STRBP: variants seen among roughly 807,000 people sequenced by gnomAD.
STRBP encodes spermatid perinuclear RNA-binding protein.
Under a neutral mutation model 80.1 loss-of-function variants are expected in STRBP, and 13 were observed. That is an observed-to-expected ratio of 0.16 (90% confidence interval 0.11 to 0.26). STRBP has a LOEUF of 0.26. STRBP is among the 10% of genes least tolerant of loss of function. STRBP has a pLI of 1.00. For missense variants in STRBP, 485 were observed against 815.2 expected (o/e 0.59, Z 4.93); for synonymous variants, 284 against 291.2 (o/e 0.98, Z 0.25).
At chr9:123,145,665 G>T (rs777008227) in intron 13 of STRBP, among the ~76,000 whole-genome samples, 2 of 152,128 alleles carry the variant, frequency 1.3e-5, no homozygotes, top group Non-Finnish European at 2.9e-5. Flanking sequence ...TTTCGTGTCA[G>T]CTGCTACAGA....
At chr9:123,251,928 G>A (rs181796176) in intron 1 of STRBP, among the ~76,000 whole-genome samples, 1 of 152,046 alleles carries the variant, frequency 6.6e-6, no homozygotes, top group African/African-American at 2.4e-5. Flanking sequence ...CATCTCTAAG[G>A]GTGGTAAGCA....
rs2132277246 is a variant in STRBP, at chr9:123,115,045, G to GA, written c.*84+883dup. On this transcript the variant is annotated intron_variant and NMD_transcript_variant, in intron 3 of 3. Coordinates refer to the STRBP transcript ENST00000471564. This position sits in a 1 kb window ranked among gnomAD's most constrained non-coding sequence, Gnocchi z 5.0. The stretch of plus-strand genomic sequence containing the variant: ...TCCAACTGTCCCAATCGACCCTCTG[G>GA]AACTCACTATTGTGGACAATGGTCA... The GA allele has an allele frequency of 2.6e-6, 1 of 380,180 alleles. No homozygotes were observed. The highest frequency in any genetic ancestry group is 2.1e-5 in the African/African-American group (1 of 47,326). 23.6% of individuals were successfully genotyped at this position (380,180 alleles called of 1,614,324 possible).
intron 2 of STRBP, among the ~76,000 whole-genome samples, chr9:123,206,026 T>C (rs771842955): frequency 8.5e-5 from 13 of 152,142 alleles, no homozygotes; most frequent in Non-Finnish European, 1.5e-4. Context: ...AAGCAATAGA[T>C]TGGGGTCAAA....
chr9:123,195,152 C>T (rs919370016), intron 2 of STRBP, among the ~76,000 whole-genome samples: 1 of 152,070 alleles, frequency 6.6e-6, no homozygotes, highest in African/African-American at 2.4e-5. Context: ...CAAAAAACCA[C>T]ACAAGTTTGC....
intron 1 of STRBP, among the ~76,000 whole-genome samples, chr9:123,253,420 AAG>A (rs1400666917): frequency 6.6e-5 from 10 of 152,234 alleles, no homozygotes; most frequent in African/African-American, 2.4e-4. Context: ...CTGTACTGCT[AAG>A]AGAGTACTGA....
chr9:123,251,838 T>C (rs1216622717), intron 1 of STRBP, among the ~76,000 whole-genome samples: 1 of 152,220 alleles, frequency 6.6e-6, no homozygotes, highest in African/African-American at 2.4e-5. Flanking sequence ...AAGCATTTAG[T>C]AGGCATTGTA....
At chr9:123,262,988 T>TA in intron 1 of STRBP, among the ~76,000 whole-genome samples, 1 of 152,372 alleles carries the variant, frequency 6.6e-6, no homozygotes, top group East Asian at 1.9e-4. Context: ...ACATTAAACT[T>TA]ACATCTCTCA....
chr9:123,169,315 CCCA>C (rs951529356), intron 6 of STRBP, among the ~76,000 whole-genome samples: 8 of 151,784 alleles, frequency 5.3e-5, no homozygotes, highest in Admixed American at 1.3e-4. Context: ...ATTACAGGCG[CCCA>C]CCACCACGCC....
chr9:123,153,476 C>A (rs959626076), intron 11 of STRBP, among the ~76,000 whole-genome samples: 1 of 152,154 alleles, frequency 6.6e-6, no homozygotes, highest in Non-Finnish European at 1.5e-5. Context: ...CAGGTGTGAG[C>A]TACCACCCGG....
At chr9:123,135,971 G>A (rs41307421) in intron 16 of STRBP, 70 bp downstream of exon 16, 20,041 of 1,584,260 alleles carry the variant, frequency 0.013, 160 homozygotes, top group Middle Eastern at 0.019. Flanking sequence ...GTGCCACATG[G>A]ACAGGAAAGA....
intron 2 of STRBP, among the ~76,000 whole-genome samples, chr9:123,209,064 C>T (rs1221510539): frequency 6.6e-6 from 1 of 152,154 alleles, no homozygotes; most frequent in Non-Finnish European, 1.5e-5. Flanking sequence ...ATGTCAAGAT[C>T]ACAATCCTGT....
chr9:123,117,521 T>C (rs574258974), downstream of STRBP, among the ~76,000 whole-genome samples: 3 of 152,070 alleles, frequency 2.0e-5, no homozygotes, highest in Admixed American at 6.5e-5. Flanking sequence ...CGGGTCCAAC[T>C]TGGAGGGAAG....
rs536333559 is a variant in STRBP, at chr9:123,161,558, A to G, written c.536-490T>C. ...GAGATATACTAAAAATAAACTGAGG[A>G]TGACAATTTTTTTACACTAGATAAA... On this transcript the variant is annotated intron_variant, in intron 6 of 18. Transcript: ENST00000348403. Among the ~76,000 whole-genome samples, 14 of 152,216 alleles carry G rather than the reference A, an allele frequency of 9.2e-5. No individual in the cohort carries two copies. In the South Asian group the frequency reaches 2.7e-3, roughly 29 times the overall value.
intron 2 of STRBP, among the ~76,000 whole-genome samples, chr9:123,230,042 G>A (rs1290248546): frequency 6.6e-6 from 1 of 152,194 alleles, no homozygotes; most frequent in South Asian, 2.1e-4. Context: ...TATGATTAAA[G>A]TGTGGGACTA....
chr9:123,148,379 AGCCCCTGAGG>A (rs984512111), intron 11 of STRBP, among the ~76,000 whole-genome samples: 11 of 152,218 alleles, frequency 7.2e-5, no homozygotes, highest in Middle Eastern at 3.2e-3. Flanking sequence ...TGGACTTTCA[AGCCCCTGAGG>A]GCAATAAATT....
Position 123,147,011 on chromosome 9 carries a change from C to T in STRBP, c.1182G>A (p.Arg394=). The change falls in exon 13 of 19, where the codon AGG becomes AGA. Residue 394 remains arginine (R), a synonymous_variant. Coordinates refer to ENST00000348403, the MANE Select transcript of STRBP (RefSeq NM_018387.5). ...KAIDLMNALM[R]LNQIRPGLQY... ...GAAGCCCAGGCCTGATCTGATTTAG[C>T]CTCATTAGTGCATTCATAAGGTCTA... 2.5e-6 allele frequency: 4 copies of T among 1,613,902 alleles called. No individual in the cohort carries two copies. Among genetic ancestry groups the T allele is most frequent in the Non-Finnish European group, 3.4e-6 (4 of 1,179,916 alleles).
intron 2 of STRBP, among the ~76,000 whole-genome samples, chr9:123,203,735 GC>G (rs1393437561): frequency 1.3e-5 from 2 of 152,174 alleles, no homozygotes; most frequent in Non-Finnish European, 2.9e-5. Flanking sequence ...ACTTTGGGAG[GC>G]TGAGGCAGGT....
chr9:123,174,593 A>T (rs2038140665), intron 4 of STRBP, among the ~76,000 whole-genome samples: 2 of 152,264 alleles, frequency 1.3e-5, no homozygotes, highest in Non-Finnish European at 1.5e-5. Flanking sequence ...CCACAACAGT[A>T]AAATGACTAT....
intron 17 of STRBP, among the ~76,000 whole-genome samples, chr9:123,129,887 A>G (rs1487620749): frequency 6.6e-6 from 1 of 152,194 alleles, no homozygotes; most frequent in Non-Finnish European, 1.5e-5. Flanking sequence ...AGTGCTCACT[A>G]AATCATATTC....
Sources: gnomAD v4.1 joint callset for allele counts (sites outside exome capture counted in the v4.1 genomes callset) on GRCh38, gnomAD v4.1.1 for gene constraint, Gnocchi (gnomAD v3.1) non-coding constraint, MANE v1.5 for transcripts, NCBI Gene and HGNC (gene_info 2026-07-23, HGNC 2026-07-21) for gene names.